The following KCNH1 variants were observed in gnomAD, a reference collection of about 807,000 sequenced individuals.
KCNH1 encodes potassium voltage-gated channel subfamily H member 1, also known as voltage-gated delayed rectifier potassium channel KCNH1.
Under a neutral mutation model 69.2 loss-of-function variants are expected in KCNH1, and 27 were observed. The observed-to-expected ratio is 0.39, with a 90% CI of 0.29 to 0.54. The LOEUF is 0.54. Ranked by LOEUF, KCNH1 falls within the 20% of genes least tolerant of loss-of-function variation. The probability of loss-of-function intolerance (pLI) is 0.68; values close to 1 mark genes in which losing one functional copy is unlikely to be tolerated. For missense variants in KCNH1, 798 were observed against 1,261.6 expected, an observed-to-expected ratio of 0.63 and a Z score of 5.57; for synonymous variants, 456 against 487.7, an observed-to-expected ratio of 0.93 and a Z score of 0.86.
chr1:210,781,520 G>A (rs575336583), intron 9 of KCNH1, among the ~76,000 whole-genome samples: 1 of 152,222 alleles, frequency 6.6e-6, no homozygotes, highest in South Asian at 2.1e-4. Flanking sequence ...CGAGGAAGGG[G>A]CATCCTCTCT....
intron 6 of KCNH1, among the ~76,000 whole-genome samples, chr1:210,999,240 A>C (rs1238163598): frequency 6.6e-6 from 1 of 152,212 alleles, no homozygotes; most frequent in Non-Finnish European, 1.5e-5. Flanking sequence ...TTTTTTGAAA[A>C]GATCAACAAA....
chr1:210,870,945 G>A (rs567579620), intron 7 of KCNH1, among the ~76,000 whole-genome samples: 1 of 152,136 alleles, frequency 6.6e-6, no homozygotes, highest in Admixed American at 6.5e-5. Flanking sequence ...TAGCTGGATA[G>A]CCCCAGACAA....
Position 210,753,306 on chromosome 1 carries a change from G to A in KCNH1, c.2112+22042C>T, listed in dbSNP as rs182075180. Among the ~76,000 whole-genome samples, 51 of 152,298 alleles carry A rather than the reference G, an allele frequency of 3.3e-4. No homozygotes were observed. In the East Asian group the frequency reaches 8.3e-3, roughly 25 times the overall value. ...TGGTTTTCTTTTCCTCAGGAAGCTC[G>A]AGAATGATGAGTAAAATCTGAGACT... On this transcript the variant is annotated intron_variant, in intron 10 of 10. Transcript: ENST00000271751.
Position 210,775,402 on chromosome 1 carries a change from G to A in KCNH1, c.2058C>T (p.Ala686=). The A allele has an allele frequency of 6.2e-7, 1 of 1,614,164 alleles. No individual in the cohort carries two copies. The highest frequency in any genetic ancestry group is 8.5e-7 in the Non-Finnish European group (1 of 1,180,004). The change falls in exon 10 of 11, where the codon GCC becomes GCT. Residue 686 remains alanine (A), a synonymous_variant. Transcript: ENST00000271751. ...ALQKVLEFYT[A]FSHSFSRNLI... Reference sequence around the variant, plus strand: ...GGTTCCGGGAGAAGGAATGGGAGAAGGCCGTGTAGAATTCCAGCACTTTCT... The same window carrying A: ...GGTTCCGGGAGAAGGAATGGGAGAAAGCCGTGTAGAATTCCAGCACTTTCT...
intron 7 of KCNH1, among the ~76,000 whole-genome samples, chr1:210,913,557 T>C (rs1379822265): frequency 1.3e-5 from 2 of 152,098 alleles, no homozygotes; most frequent in African/African-American, 4.8e-5. Flanking sequence ...TTACCTCTAA[T>C]CCACAAAAAT....
rs572377314 is a variant in KCNH1, at chr1:210,850,724, A to G, written c.1463-46558T>C. 3.3e-5 allele frequency among the ~76,000 whole-genome samples: 5 copies of G among 152,294 alleles called. No individual in the cohort carries two copies. The East Asian group carries it at 9.6e-4, about 29-fold the overall frequency. On this transcript the variant is annotated intron_variant, in intron 7 of 10. Coordinates refer to ENST00000271751, the MANE Select transcript of KCNH1 (RefSeq NM_172362.3). ...ACAGCAGTCTCAACAGCAAGCCAAGAGGCAGAACAATGCCACTCTAACATC... is the reference window on the plus strand; with the variant it reads ...ACAGCAGTCTCAACAGCAAGCCAAGGGGCAGAACAATGCCACTCTAACATC...
Position 210,950,212 on chromosome 1 carries a change from AT to A in KCNH1, c.1033-30144del, listed in dbSNP as rs1688037137. ...GCTGTCACTTCACTTCTCAGTTTAG[AT>A]TTCTTTTTTTTTTTTTTAATTATAC... On this transcript the variant is annotated intron_variant, in intron 6 of 10. Coordinates refer to ENST00000271751, the MANE Select transcript of KCNH1 (RefSeq NM_172362.3). 4.0e-5 allele frequency among the ~76,000 whole-genome samples: 6 copies of A among 149,978 alleles called. No homozygotes were observed. The South Asian group carries it at 1.3e-3, about 32-fold the overall frequency.
intron 1 of KCNH1, among the ~76,000 whole-genome samples, chr1:211,130,759 T>C (rs1340193566): frequency 6.6e-6 from 1 of 152,210 alleles, no homozygotes; most frequent in Admixed American, 6.5e-5. Flanking sequence ...TCAAAGGTGA[T>C]ACTCTGTGAA....
chr1:211,029,719 A>G (rs1689748480), intron 5 of KCNH1, among the ~76,000 whole-genome samples: 1 of 152,190 alleles, frequency 6.6e-6, no homozygotes, highest in African/African-American at 2.4e-5. Context: ...AAGGAAATAA[A>G]TGGCATCCAG....
At chr1:210,740,142 G>A (rs553623661) in intron 10 of KCNH1, among the ~76,000 whole-genome samples, 2 of 152,240 alleles carry the variant, frequency 1.3e-5, no homozygotes, top group Admixed American at 1.3e-4. Flanking sequence ...TAGATAGAAG[G>A]ATACACAAGG....
At chr1:210,870,934 T>G (rs1279005832) in intron 7 of KCNH1, among the ~76,000 whole-genome samples, 1 of 152,202 alleles carries the variant, frequency 6.6e-6, no homozygotes, top group Non-Finnish European at 1.5e-5. Context: ...CTGCCACTTA[T>G]TAGCTGGATA....
intron 1 of KCNH1, among the ~76,000 whole-genome samples, chr1:211,130,011 G>T (rs1176024526): frequency 6.6e-6 from 1 of 152,104 alleles, no homozygotes; most frequent in Non-Finnish European, 1.5e-5. Flanking sequence ...GTAGTTTCCT[G>T]GCACCAAGGT....
chr1:210,764,554 C>G (rs891706224), intron 10 of KCNH1, among the ~76,000 whole-genome samples: 1 of 151,944 alleles, frequency 6.6e-6, no homozygotes, highest in African/African-American at 2.4e-5. Flanking sequence ...AGTGGGCAAA[C>G]GACATGAACA....
At chr1:211,070,422 A>ACACACAC (rs1553376606) in intron 5 of KCNH1, among the ~76,000 whole-genome samples, 5 of 90,518 alleles carry the variant, frequency 5.5e-5, no homozygotes, top group Non-Finnish European at 1.0e-4. Flanking sequence ...CACCTTTAAA[A>ACACACAC]AAAAAAAAAC....
chr1:210,894,831 C>A (rs995431812), intron 7 of KCNH1, among the ~76,000 whole-genome samples: 3 of 152,164 alleles, frequency 2.0e-5, no homozygotes, highest in African/African-American at 7.2e-5. Context: ...CTGGAGGAAC[C>A]ATGAGCTAAA....
intron 10 of KCNH1, among the ~76,000 whole-genome samples, chr1:210,754,255 A>G (rs1396781411): frequency 1.3e-5 from 2 of 152,100 alleles, no homozygotes; most frequent in African/African-American, 4.8e-5. Flanking sequence ...AGGGAAAAAA[A>G]TACTTCCCAA....
chr1:211,020,295 G>A (rs1377412122), intron 5 of KCNH1, among the ~76,000 whole-genome samples: 1 of 151,464 alleles, frequency 6.6e-6, no homozygotes, highest in Admixed American at 6.6e-5. Flanking sequence ...GATGAAAAAG[G>A]AAATATTACA....
chr1:210,922,699 T>C (rs1305248729), intron 6 of KCNH1, among the ~76,000 whole-genome samples: 2 of 152,118 alleles, frequency 1.3e-5, no homozygotes, highest in Non-Finnish European at 2.9e-5. Flanking sequence ...TACAAAAGAC[T>C]AATGAGGGTA....
At chr1:210,883,622 A>T (rs978123751) in intron 7 of KCNH1, among the ~76,000 whole-genome samples, 9 of 152,250 alleles carry the variant, frequency 5.9e-5, no homozygotes, top group Non-Finnish European at 1.2e-4. Context: ...AGCCTGGCTT[A>T]AAGTGCATAT....
Sources: allele counts gnomAD v4.1 joint callset (sites outside exome capture counted in the v4.1 genomes callset), GRCh38; gene constraint gnomAD v4.1.1; transcripts MANE v1.5; gene names NCBI Gene and HGNC (gene_info 2026-07-23, HGNC 2026-07-21).